Variants in SLCO4C1 observed in about 807,000 individuals in gnomAD.
The protein encoded by SLCO4C1 is solute carrier organic anion transporter family member 4C1, also known as organic anion transporter M1.
A neutral mutation model predicts 72.1 loss-of-function variants in SLCO4C1; 58 were observed. The observed-to-expected ratio is 0.80, with a 90% CI of 0.65 to 1.00. SLCO4C1 has a LOEUF of 1.00. Ranked by LOEUF, SLCO4C1 falls within the 50% of genes least tolerant of loss-of-function variation. The pLI, the probability that SLCO4C1 is intolerant of heterozygous loss-of-function variation, is 0.00. For missense variants in SLCO4C1, 898 were observed against 857.9 expected, an observed-to-expected ratio of 1.05 and a Z score of -0.58; for synonymous variants, 297 against 312.5, an observed-to-expected ratio of 0.95 and a Z score of 0.52.
intron 3 of SLCO4C1, among the ~76,000 whole-genome samples, chr5:102,267,707 T>A (rs3096194): frequency 6.6e-6 from 1 of 151,162 alleles, no homozygotes; most frequent in South Asian, 2.1e-4. Context: ...CATCATTAGG[T>A]GGTTTATTTG....
intron 2 of SLCO4C1, among the ~76,000 whole-genome samples, chr5:102,287,834 A>G (rs111487400): frequency 0.029 from 4,465 of 152,108 alleles, 67 homozygotes; most frequent in Middle Eastern, 0.058. Flanking sequence ...GATTACAGGC[A>G]TGAGTCATTG....
intron 10 of SLCO4C1, 97 bp downstream of exon 10, chr5:102,247,155 C>A: frequency 3.3e-6 from 3 of 919,286 alleles, no homozygotes; most frequent in Non-Finnish European, 4.7e-6. Context: ...TGGTATTGAA[C>A]CAATGGTCAA....
At chr5:102,253,363 T>C (rs1399298369) in intron 8 of SLCO4C1, among the ~76,000 whole-genome samples, 1 of 152,172 alleles carries the variant, frequency 6.6e-6, no homozygotes, top group African/African-American at 2.4e-5. Context: ...CTGACCATTA[T>C]CTCAAGCAAA....
At chr5:102,268,550 T>C (rs1749088657) in intron 3 of SLCO4C1, among the ~76,000 whole-genome samples, 1 of 152,182 alleles carries the variant, frequency 6.6e-6, no homozygotes, top group Non-Finnish European at 1.5e-5. Flanking sequence ...TCTTAATCCA[T>C]TCAGCCTATC....
At chr5:102,237,468 G>C (rs969130588) in intron 12 of SLCO4C1, among the ~76,000 whole-genome samples, 1 of 151,872 alleles carries the variant, frequency 6.6e-6, no homozygotes, top group African/African-American at 2.4e-5. Context: ...ATATATTCAG[G>C]TATGATGGAT....
chr5:102,239,172 C>T (rs1748490837), intron 12 of SLCO4C1, 79 bp downstream of exon 12: 1 of 1,320,268 alleles, frequency 7.6e-7, no homozygotes, highest in Non-Finnish European at 1.0e-6. Flanking sequence ...ATACCTGTGA[C>T]CCTAAGTAAC....
At chr5:102,261,872 T>G (rs1361840984) in intron 5 of SLCO4C1, 40 bp downstream of exon 5, 1 of 1,564,852 alleles carries the variant, frequency 6.4e-7, no homozygotes, top group Admixed American at 2.0e-5. Flanking sequence ...TGGCCTACAA[T>G]TAAAATAAAC....
At chr5:102,265,876 T>C (rs557271020) in intron 3 of SLCO4C1, among the ~76,000 whole-genome samples, 1 of 152,278 alleles carries the variant, frequency 6.6e-6, no homozygotes, top group South Asian at 2.1e-4. Context: ...AGGGATTGCA[T>C]TGAATCTGTA....
At chr5:102,259,682 G>C (rs971539459) in intron 6 of SLCO4C1, among the ~76,000 whole-genome samples, 1 of 151,858 alleles carries the variant, frequency 6.6e-6, no homozygotes, top group African/African-American at 2.4e-5. Context: ...CTTTAGCCTC[G>C]AATTCAAAAG....
chr5:102,261,092 T>C (rs1561372158), intron 5 of SLCO4C1, among the ~76,000 whole-genome samples: 2 of 152,222 alleles, frequency 1.3e-5, no homozygotes, highest in African/African-American at 4.8e-5. Context: ...TAGTCTTTCT[T>C]ATTAACCTTT....
At chr5:102,251,692 T>C (rs927416194) in intron 8 of SLCO4C1, among the ~76,000 whole-genome samples, 9 of 152,046 alleles carry the variant, frequency 5.9e-5, no homozygotes, top group Non-Finnish European at 1.2e-4. Context: ...AGTAATAAGA[T>C]TAAGAGTATC....
At chr5:102,268,357 T>G (rs890920238) in intron 3 of SLCO4C1, among the ~76,000 whole-genome samples, 2 of 152,164 alleles carry the variant, frequency 1.3e-5, no homozygotes, top group African/African-American at 4.8e-5. Context: ...AAAATGATAT[T>G]CTTTGTCTCT....
At chr5:102,278,557 A>G (rs1459730866) in intron 2 of SLCO4C1, among the ~76,000 whole-genome samples, 1 of 152,208 alleles carries the variant, frequency 6.6e-6, no homozygotes, top group Admixed American at 6.5e-5. Context: ...CGCCCACAGA[A>G]CATATGCCAA....
At chr5:102,288,004 G>GA (rs1015628123) in intron 2 of SLCO4C1, among the ~76,000 whole-genome samples, 12 of 151,806 alleles carry the variant, frequency 7.9e-5, no homozygotes, top group Admixed American at 3.9e-4. Context: ...AATCACAGGG[G>GA]AAAAAAATGC....
At chr5:102,237,955 C>T (rs1748469773) in intron 12 of SLCO4C1, among the ~76,000 whole-genome samples, 1 of 152,102 alleles carries the variant, frequency 6.6e-6, no homozygotes, top group African/African-American at 2.4e-5. Context: ...ACAGTATAAG[C>T]ATTTAATAAT....
Position 102,270,813 on chromosome 5 carries a change from G to GA in SLCO4C1, c.620-8_620-7insT, listed in dbSNP as rs1681475730. The GA allele has an allele frequency of 2.7e-6, 4 of 1,459,998 alleles. No homozygotes were observed. The highest frequency in any genetic ancestry group is 2.7e-6 in the Non-Finnish European group (3 of 1,112,860). The allele number at this position is 1,459,998 out of a possible 1,614,324, so 90.4% of individuals were successfully genotyped here. ...CTTGTTGTTACACAAGTGTCTTTGT[G>GA]GAAAAAAAAATTGTGAATTTATAGA... On this transcript the variant is annotated splice_region_variant and splice_polypyrimidine_tract_variant and intron_variant, in intron 2 of 12. Transcript: ENST00000310954.
rs1270206658 is a variant in SLCO4C1, at chr5:102,234,262, AC to A, written c.*2595del. On this transcript the variant is annotated 3_prime_UTR_variant, in exon 13 of 13. Coordinates refer to ENST00000310954, the MANE Select transcript of SLCO4C1 (RefSeq NM_180991.5). ...CAAGCTTACTTAACAATCATAAATT[AC>A]AAAAAACGCACTATGAATAATTTTG... 1.3e-5 allele frequency: 2 copies of A among 152,658 alleles called. No individual in the cohort carries two copies. Among genetic ancestry groups the A allele is most frequent in the African/African-American group, 4.8e-5 (2 of 41,476 alleles). The allele number at this position is 152,658 out of a possible 1,614,324, so 9.5% of individuals were successfully genotyped here. A position where few individuals can be genotyped will look rare whatever the true frequency, so the allele number is the denominator to read the frequency against.
Position 102,257,185 on chromosome 5 carries a change from G to T in SLCO4C1, c.1399C>A (p.Leu467Met). 6.2e-7 allele frequency: 1 copy of T among 1,607,958 alleles called. No individual in the cohort carries two copies. Among genetic ancestry groups the T allele is most frequent in the Non-Finnish European group, 8.5e-7 (1 of 1,177,514 alleles). ...TTGGCATACATAAATACAAAACTCA[G>T]CGTAAGTGCAACTCCAGATGTGAAC... ...ALFTSGVALTLSFVFMYAKCE... is the reference protein window; with the variant it reads ...ALFTSGVALTMSFVFMYAKCE... Residue 467 changes from leucine to methionine, a missense_variant, in exon 8 of 13, where the codon CTG (leucine) becomes ATG (methionine). Leu to Met is a conservative substitution (Grantham distance 15). Coordinates refer to ENST00000310954, the MANE Select transcript of SLCO4C1 (RefSeq NM_180991.5).
chr5:102,290,066 C>G (rs1488842385), intron 2 of SLCO4C1, among the ~76,000 whole-genome samples: 1 of 152,152 alleles, frequency 6.6e-6, no homozygotes, highest in Non-Finnish European at 1.5e-5. Flanking sequence ...TGATTTGGCT[C>G]ACAGTTCTAC....
Sources: allele counts gnomAD v4.1 joint callset (sites outside exome capture counted in the v4.1 genomes callset), GRCh38; gene constraint gnomAD v4.1.1; transcripts MANE v1.5; gene names NCBI Gene and HGNC (gene_info 2026-07-23, HGNC 2026-07-21).